CAST: variants seen among roughly 807,000 people sequenced by gnomAD.
CAST encodes the protein calpastatin.
Under a neutral mutation model 119.6 loss-of-function variants are expected in CAST, and 76 were observed. The observed-to-expected ratio is 0.64, with a 90% CI of 0.53 to 0.77. The LOEUF (loss-of-function observed/expected upper bound fraction) is 0.77, where lower values mean the gene tolerates loss of function less well. CAST is among the 30% of genes least tolerant of loss of function. CAST has a pLI of 0.00. For missense variants in CAST, 953 were observed against 946.5 expected, an observed-to-expected ratio of 1.01 and a Z score of -0.09; for synonymous variants, 319 against 331.6, an observed-to-expected ratio of 0.96 and a Z score of 0.41.
the CAST span, among the ~76,000 whole-genome samples, chr5:96,427,194 A>T: frequency 1.3e-5 from 2 of 152,220 alleles, no homozygotes; most frequent in Admixed American, 6.5e-5. Flanking sequence ...AAAGAGCAAT[A>T]AAATGAAAAC....
chr5:96,299,579 C>A, the CAST span, among the ~76,000 whole-genome samples: 5 of 152,118 alleles, frequency 3.3e-5, no homozygotes, highest in African/African-American at 1.2e-4. Context: ...CACACTGGTC[C>A]CTGCTTTGTT....
At chr5:96,210,898 T>A in the CAST span, among the ~76,000 whole-genome samples, 9 of 152,044 alleles carry the variant, frequency 5.9e-5, no homozygotes, top group Non-Finnish European at 1.2e-4. Flanking sequence ...TTATGTTTTG[T>A]TGAATTTACA....
chr5:96,027,624 G>A, the CAST span, among the ~76,000 whole-genome samples: 1 of 152,060 alleles, frequency 6.6e-6, no homozygotes, highest in Admixed American at 6.5e-5. Flanking sequence ...TGTTGAGCAT[G>A]ACTGTCATAG....
At chr5:96,251,090 G>A in the CAST span, among the ~76,000 whole-genome samples, 1 of 152,186 alleles carries the variant, frequency 6.6e-6, no homozygotes, top group Non-Finnish European at 1.5e-5. Context: ...TAAGCTCAGA[G>A]CCAATAATCT....
At position 96,746,356 on chromosome 5, in the gene CAST, A is replaced by G; in HGVS notation, c.1215A>G (p.Glu405=). Residue 405 remains glutamate (E), a synonymous_variant, in exon 17 of 32, where the codon GAA becomes GAG. Coordinates refer to ENST00000675179, the MANE Select transcript of CAST (RefSeq NM_001750.7). ...ATTTTCATCAGGCAAAAGCTAAAGA[A>G]GAAAAACTAGAGAAGTGTGGTGAGG... The part of the protein sequence containing the change: ...IKEVDEAKAK[E]EKLEKCGEDD... The G allele has an allele frequency of 6.2e-7, 1 of 1,608,402 alleles. No individual in the cohort carries two copies. Among genetic ancestry groups the G allele is most frequent in the Non-Finnish European group, 8.5e-7 (1 of 1,174,716 alleles).
intron 9 of CAST, among the ~76,000 whole-genome samples, chr5:96,735,754 T>C (rs1191489527): frequency 6.6e-6 from 1 of 151,898 alleles, no homozygotes; most frequent in Non-Finnish European, 1.5e-5. Context: ...GGTGTTGAGA[T>C]GCCGAAGTGA....
the CAST span, among the ~76,000 whole-genome samples, chr5:96,427,457 A>G: frequency 3.3e-5 from 5 of 152,162 alleles, no homozygotes; most frequent in Non-Finnish European, 7.3e-5. Flanking sequence ...ATCTAATTCA[A>G]CCTTCCAATG....
At chr5:96,149,717 G>T in the CAST span, among the ~76,000 whole-genome samples, 1 of 152,182 alleles carries the variant, frequency 6.6e-6, no homozygotes, top group Non-Finnish European at 1.5e-5. Flanking sequence ...AGCAGAACTG[G>T]CATTGCATGT....
the CAST span, among the ~76,000 whole-genome samples, chr5:96,108,042 ACGTAGTTCT>A: frequency 6.6e-6 from 1 of 151,428 alleles, no homozygotes. Context: ...TGCATTCTTC[ACGTAGTTCT>A]CGAGCCTTGG....
At chr5:96,169,688 T>G in the CAST span, among the ~76,000 whole-genome samples, 67 of 152,136 alleles carry the variant, frequency 4.4e-4, no homozygotes, top group South Asian at 4.2e-3. Context: ...AAGGGGTGCA[T>G]GATCGGTCAC....
At chr5:96,396,426 T>G in the CAST span, among the ~76,000 whole-genome samples, 2 of 151,976 alleles carry the variant, frequency 1.3e-5, no homozygotes, top group Non-Finnish European at 2.9e-5. Context: ...CCAGGCTTGG[T>G]GGTGGGTACC....
chr5:96,140,237 C>T, the CAST span, among the ~76,000 whole-genome samples: 1 of 152,288 alleles, frequency 6.6e-6, no homozygotes, highest in Middle Eastern at 3.4e-3. Flanking sequence ...TTGTTGAAAG[C>T]ATATCAAGTA....
chr5:96,601,097 CCT>C (rs1052080371), intron 1 of CAST, among the ~76,000 whole-genome samples: 13 of 152,196 alleles, frequency 8.5e-5, no homozygotes, highest in African/African-American at 2.9e-4. Flanking sequence ...TGTCTCTCTC[CCT>C]CTCTCCTTCA....
At chr5:96,099,887 A>C in the CAST span, among the ~76,000 whole-genome samples, 1 of 152,180 alleles carries the variant, frequency 6.6e-6, no homozygotes, top group Admixed American at 6.5e-5. Flanking sequence ...TTTTTGGAAT[A>C]GTTTCAGTAG....
the CAST span, among the ~76,000 whole-genome samples, chr5:96,278,013 G>T: frequency 8.8e-4 from 134 of 151,896 alleles, no homozygotes; most frequent in African/African-American, 3.0e-3. Flanking sequence ...AGGGTGGGGA[G>T]TCTTAATTTT....
the CAST span, among the ~76,000 whole-genome samples, chr5:96,302,236 G>A: frequency 6.6e-6 from 1 of 152,248 alleles, no homozygotes; most frequent in Non-Finnish European, 1.5e-5. Flanking sequence ...GGGACACAGG[G>A]CGCCATGTCC....
At chr5:96,256,249 T>A in the CAST span, among the ~76,000 whole-genome samples, 1 of 148,296 alleles carries the variant, frequency 6.7e-6, no homozygotes, top group African/African-American at 2.4e-5. Flanking sequence ...TATACAGTAT[T>A]TATGTGTTTA....
At chr5:96,302,661 G>A in the CAST span, among the ~76,000 whole-genome samples, 4 of 152,328 alleles carry the variant, frequency 2.6e-5, no homozygotes, top group East Asian at 7.7e-4. Context: ...CAAGTTCAAA[G>A]TTCTACGGAT....
the CAST span, among the ~76,000 whole-genome samples, chr5:96,038,252 A>G: frequency 2.0e-5 from 3 of 152,298 alleles, no homozygotes; most frequent in South Asian, 2.1e-4. Flanking sequence ...ATCTTTGCAC[A>G]AATGATCAAA....
Sources: gnomAD v4.1 joint callset for allele counts (sites outside exome capture counted in the v4.1 genomes callset) on GRCh38, gnomAD v4.1.1 for gene constraint, MANE v1.5 for transcripts, NCBI Gene and HGNC (gene_info 2026-07-23, HGNC 2026-07-21) for gene names.